NF2: variants seen among roughly 807,000 people sequenced by gnomAD.
The protein encoded by NF2 is NF2, moesin-ezrin-radixin like (MERLIN) tumor suppressor.
In NF2, 8 loss-of-function variants were observed where a neutral mutation model predicts 83.7. The ratio of observed to expected loss-of-function variants is 0.10; its 90% CI spans 0.06 to 0.17. The LOEUF (loss-of-function observed/expected upper bound fraction) is 0.17, where lower values mean the gene tolerates loss of function less well. Among genes scored for constraint, NF2 ranks in the 10% least tolerant of loss-of-function variants. NF2 has a pLI of 1.00. For synonymous variants in NF2, 266 were observed against 269.6 expected (o/e 0.99, Z 0.13); for missense variants, 533 against 744.4 (o/e 0.72, Z 3.31).
At chr22:29,679,865 CAAA>C (rs1162770802) in intron 14 of NF2, among the ~76,000 whole-genome samples, 3 of 117,270 alleles carry the variant, frequency 2.6e-5, no homozygotes, top group Non-Finnish European at 1.8e-5. Flanking sequence ...CACCCTGTCT[CAAA>C]AAAAAAAAAA....
At chr22:29,668,208 C>G (rs1016997862) in intron 9 of NF2, 125 bp from the exon 10 acceptor site, 4 of 712,508 alleles carry the variant, frequency 5.6e-6, no homozygotes, top group African/African-American at 1.8e-5. Context: ...GTGTTTCACT[C>G]TATGCATTCA....
intron 1 of NF2, among the ~76,000 whole-genome samples, chr22:29,625,645 G>A (rs1036962297): frequency 3.3e-5 from 5 of 152,196 alleles, no homozygotes; most frequent in South Asian, 2.1e-4. Context: ...CATTTTTAGC[G>A]TGTCAAAATT....
chr22:29,613,609 C>T (rs1255430099), intron 1 of NF2, among the ~76,000 whole-genome samples: 1 of 91,980 alleles, frequency 1.1e-5, no homozygotes, highest in African/African-American at 4.2e-5. Flanking sequence ...ATTGAGAGTC[C>T]AGAAATAAAC....
chr22:29,652,524 A>T (rs2066178238), intron 4 of NF2, among the ~76,000 whole-genome samples: 1 of 151,452 alleles, frequency 6.6e-6, no homozygotes. Flanking sequence ...CTGCTCTCAA[A>T]CTCTCAACTT....
At chr22:29,628,140 CTGTGTGTGTG>C (rs3138701) in intron 1 of NF2, among the ~76,000 whole-genome samples, 347 of 139,756 alleles carry the variant, frequency 2.5e-3, no homozygotes, top group African/African-American at 5.8e-3. Context: ...GAGACTTAAT[CTGTGTGTGTG>C]TGTGTGTGTG....
chr22:29,628,269 C>T (rs2065419962), intron 1 of NF2, among the ~76,000 whole-genome samples: 1 of 151,422 alleles, frequency 6.6e-6, no homozygotes, highest in Non-Finnish European at 1.5e-5. Context: ...CCTCATTTTT[C>T]AATATGTGTA....
At position 29,634,954 on chromosome 22, in the gene NF2, T is replaced by A. The variant is rs111452800; in HGVS notation, c.115-1797T>A. On this transcript the variant is annotated intron_variant, in intron 1 of 15. Coordinates refer to ENST00000338641, the MANE Select transcript of NF2 (RefSeq NM_000268.4). ...CTTCTCAAAATAATCCCTAAAGACC[T>A]CAATCTTTATAGTGTTCCAGTGGCC... Among the ~76,000 whole-genome samples, 428 of 152,296 alleles carry A rather than the reference T, an allele frequency of 2.8e-3. 3 individuals are homozygous for A. Among genetic ancestry groups the A allele is most frequent in the African/African-American group, 9.8e-3 (407 of 41,556 alleles).
At chr22:29,627,385 G>A (rs1026680629) in intron 1 of NF2, among the ~76,000 whole-genome samples, 1 of 152,168 alleles carries the variant, frequency 6.6e-6, no homozygotes. Context: ...AGATATTGTC[G>A]TGTTTGCTTT....
chr22:29,620,227 C>T (rs1174162687), intron 1 of NF2, among the ~76,000 whole-genome samples: 1 of 152,016 alleles, frequency 6.6e-6, no homozygotes, highest in Non-Finnish European at 1.5e-5. Context: ...TCACTGCACT[C>T]CAGCCTGGGC....
intron 11 of NF2, 143 bp downstream of exon 11, chr22:29,672,091 C>T (rs531420382): frequency 1.6e-6 from 2 of 1,261,700 alleles, no homozygotes; most frequent in African/African-American, 3.0e-5. Context: ...AGTGCCTTTT[C>T]TTTTCACCTG....
chr22:29,614,690 C>T (rs1056168407), intron 1 of NF2, among the ~76,000 whole-genome samples: 6 of 151,602 alleles, frequency 4.0e-5, no homozygotes, highest in African/African-American at 1.5e-4. Flanking sequence ...GCTGAGATCA[C>T]GCCATTGCAC....
chr22:29,620,077 G>T (rs2065176786), intron 1 of NF2, among the ~76,000 whole-genome samples: 1 of 152,028 alleles, frequency 6.6e-6, no homozygotes, highest in African/African-American at 2.4e-5. Context: ...TTGGGCACAT[G>T]GTGAAATCCT....
chr22:29,666,209 C>T (rs1020283725), intron 9 of NF2, among the ~76,000 whole-genome samples: 9 of 151,964 alleles, frequency 5.9e-5, no homozygotes, highest in African/African-American at 1.9e-4. Context: ...GGCACAATCT[C>T]GGCTCACTGC....
chr22:29,691,326 TCA>T (rs1295320755), intron 15 of NF2, among the ~76,000 whole-genome samples: 2 of 152,156 alleles, frequency 1.3e-5, no homozygotes, highest in African/African-American at 4.8e-5. Context: ...AGTGCTCAAC[TCA>T]CAGTGCAACA....
chr22:29,643,405 G>C (rs1331875881), intron 4 of NF2, among the ~76,000 whole-genome samples: 1 of 152,038 alleles, frequency 6.6e-6, no homozygotes, highest in Non-Finnish European at 1.5e-5. Context: ...GTGAACAAAG[G>C]TCTCTGGTTT....
chr22:29,676,393 C>T (rs563891825), intron 13 of NF2, among the ~76,000 whole-genome samples: 1 of 152,132 alleles, frequency 6.6e-6, no homozygotes, highest in Admixed American at 6.5e-5. Context: ...CACAGCTGGT[C>T]TCAAACTCCC....
At chr22:29,621,679 TAAATA>T (rs2065220139) in intron 1 of NF2, among the ~76,000 whole-genome samples, 1 of 151,718 alleles carries the variant, frequency 6.6e-6, no homozygotes, top group African/African-American at 2.4e-5. Context: ...AAAAAATAAA[TAAATA>T]AAATAAATTA....
chr22:29,674,320 A>T (rs895521125), intron 12 of NF2, among the ~76,000 whole-genome samples: 12 of 152,158 alleles, frequency 7.9e-5, no homozygotes, highest in African/African-American at 2.9e-4. Context: ...GCCCCATAGG[A>T]TGAGGATCTG....
chr22:29,619,519 C>T (rs2065161130), intron 1 of NF2, among the ~76,000 whole-genome samples: 1 of 152,088 alleles, frequency 6.6e-6, no homozygotes, highest in Non-Finnish European at 1.5e-5. Context: ...GCCTCAACCT[C>T]CTGAGTAGCT....
Sources: allele counts gnomAD v4.1 joint callset (sites outside exome capture counted in the v4.1 genomes callset), GRCh38; gene constraint gnomAD v4.1.1; transcripts MANE v1.5; gene names NCBI Gene and HGNC (gene_info 2026-07-23, HGNC 2026-07-21).